SYNJ2: variants seen among roughly 807,000 people sequenced by gnomAD.
The protein encoded by SYNJ2 is synaptojanin 2, also known as polyphosphatidylinositol phosphatase SYNJ2.
A neutral mutation model predicts 141.3 loss-of-function variants in SYNJ2; 116 were observed. The ratio of observed to expected loss-of-function variants is 0.82; its 90% CI spans 0.71 to 0.96. The LOEUF (loss-of-function observed/expected upper bound fraction) is 0.96. Ranked by LOEUF, SYNJ2 falls within the 40% of genes least tolerant of loss-of-function variation. The pLI is 0.00. For synonymous variants in SYNJ2, 745 were observed against 777.7 expected, an observed-to-expected ratio of 0.96 and a Z score of 0.70; for missense variants, 1,873 against 1,934.8, an observed-to-expected ratio of 0.97 and a Z score of 0.60.
At chr6:158,061,967 C>G in intron 7 of SYNJ2, 25 bp from the exon 8 acceptor site, 1 of 1,609,666 alleles carries the variant, frequency 6.2e-7, no homozygotes, top group Non-Finnish European at 8.5e-7. Flanking sequence ...CTGCTCCCCT[C>G]ACCGCCCTCC....
chr6:157,987,955 G>A (rs892924328), intron 1 of SYNJ2, among the ~76,000 whole-genome samples: 4 of 152,208 alleles, frequency 2.6e-5, no homozygotes, highest in African/African-American at 7.2e-5. Flanking sequence ...TGGTGAGCTC[G>A]GGAGGACAAG....
intron 18 of SYNJ2, 33 bp from the exon 19 acceptor site, chr6:158,081,076 C>T (rs377286996): frequency 1.1e-5 from 18 of 1,604,442 alleles, no homozygotes; most frequent in Non-Finnish European, 1.5e-5. Context: ...CTGTCCCAGG[C>T]TAACTGTCAT....
At chr6:157,981,728 G>A (rs533119038), upstream of SYNJ2, among the ~76,000 whole-genome samples, 1 of 151,892 alleles carries the variant, frequency 6.6e-6, no homozygotes, top group African/African-American at 2.4e-5. The surrounding 1 kb of genome is among the most constrained non-coding windows in gnomAD (Gnocchi z 6.4). Context: ...CTGGCCGCTG[G>A]GGGGAGCGCG....
rs1361512261 is a variant in SYNJ2, at chr6:158,059,253, G to T, written c.858-4G>T. 1.2e-5 allele frequency: 18 copies of T among 1,547,670 alleles called. No homozygotes were observed. Among genetic ancestry groups the T allele is most frequent in the Non-Finnish European group, 1.4e-5 (16 of 1,146,018 alleles). ...GCATCACGCCCACCCCGCTGCCTTT[G>T]CAGGCACATGGTGCTTCTGAAGGAG... On this transcript the variant is annotated splice_polypyrimidine_tract_variant and splice_region_variant and intron_variant, in intron 6 of 26. Coordinates refer to ENST00000355585, the MANE Select transcript of SYNJ2 (RefSeq NM_003898.4).
chr6:158,002,024 C>G (rs556618770), intron 1 of SYNJ2: 5 of 152,374 alleles, frequency 3.3e-5, no homozygotes, highest in African/African-American at 1.2e-4. Context: ...TCCTCCCACT[C>G]TTCTGAAACC....
At chr6:158,007,299 C>A (rs574270751) in intron 1 of SYNJ2, among the ~76,000 whole-genome samples, 1 of 152,166 alleles carries the variant, frequency 6.6e-6, no homozygotes, top group African/African-American at 2.4e-5. Context: ...TCTGCTGGGA[C>A]GCCTGGGGGA....
intron 1 of SYNJ2, among the ~76,000 whole-genome samples, chr6:157,983,831 ATTTT>A (rs566097714): frequency 4.9e-4 from 71 of 144,744 alleles, no homozygotes; most frequent in African/African-American, 1.7e-3. Context: ...TTAAAAAAAA[ATTTT>A]TTTTTTTTTT....
intron 13 of SYNJ2, among the ~76,000 whole-genome samples, chr6:158,069,330 A>G (rs1441443809): frequency 6.6e-6 from 1 of 152,092 alleles, no homozygotes; most frequent in African/African-American, 2.4e-5. Flanking sequence ...GGGTCAAGGG[A>G]GGGCTGCTGT....
chr6:158,095,823 CCT>C lies in SYNJ2; in HGVS notation c.3953_3954del (p.Ser1318CysfsTer45). ...GACGAAGCCCCTCCTGGGGCAGGAG[CCT>C]CTGTGCCACCACCTCTGGAGGCGCC... On this transcript the variant is annotated frameshift_variant, in exon 27 of 27. Transcript: ENST00000355585. LOFTEE classifies it low-confidence loss of function (END_TRUNC). 2 of 1,614,146 alleles carry C rather than the reference CCT, an allele frequency of 1.2e-6. No individual in the cohort carries two copies. The highest frequency in any genetic ancestry group is 1.7e-6 in the Non-Finnish European group (2 of 1,180,006).
chr6:158,092,734 C>T (rs1983873), intron 25 of SYNJ2, among the ~76,000 whole-genome samples, 192 bp from the exon 26 acceptor site: 13 of 151,922 alleles, frequency 8.6e-5, no homozygotes, highest in African/African-American at 2.7e-4. Context: ...CGCTGCACTC[C>T]GGCCTGGGTG....
intron 25 of SYNJ2, among the ~76,000 whole-genome samples, chr6:158,090,364 G>A (rs1163185182): frequency 6.6e-6 from 1 of 151,960 alleles, no homozygotes; most frequent in Admixed American, 6.6e-5. Flanking sequence ...GTGTCAGGCA[G>A]GGACCTCTTT....
intron 4 of SYNJ2, among the ~76,000 whole-genome samples, chr6:158,034,048 C>T (rs1779512876): frequency 6.6e-6 from 1 of 152,108 alleles, no homozygotes; most frequent in African/African-American, 2.4e-5. Flanking sequence ...ATAAGTAGAT[C>T]AATACAATGG....
intron 5 of SYNJ2, among the ~76,000 whole-genome samples, chr6:158,046,244 C>A (rs1363530900): frequency 1.3e-5 from 2 of 152,154 alleles, no homozygotes; most frequent in African/African-American, 4.8e-5. Flanking sequence ...TCGCGCCCGG[C>A]CTCCATGGTT....
chr6:158,081,526 CCA>C lies in SYNJ2; in HGVS notation c.2865+20_2865+21del. Reference sequence around the variant, plus strand: ...CGGTATGAAGGTACGCTGTACTTGGCCACACTGTGGAGTGGGGTCTGATCAAT... The same window carrying C: ...CGGTATGAAGGTACGCTGTACTTGGCCACTGTGGAGTGGGGTCTGATCAAT... On this transcript the variant is annotated intron_variant, in intron 20 of 26. Transcript: ENST00000355585. 6.2e-7 allele frequency: 1 copy of C among 1,602,514 alleles called. No homozygotes were observed. The highest frequency in any genetic ancestry group is 8.5e-7 in the Non-Finnish European group (1 of 1,173,368).
intron 5 of SYNJ2, among the ~76,000 whole-genome samples, chr6:158,045,130 T>G (rs1020149168): frequency 7.3e-6 from 1 of 136,786 alleles, no homozygotes; most frequent in Non-Finnish European, 1.5e-5. Flanking sequence ...TTTTTTGAGA[T>G]GGAGTCTCAC....
chr6:158,068,882 T>C (rs1168862518), intron 13 of SYNJ2, among the ~76,000 whole-genome samples, 154 bp downstream of exon 13: 1 of 152,140 alleles, frequency 6.6e-6, no homozygotes, highest in Non-Finnish European at 1.5e-5. Context: ...TGGCTCCTTC[T>C]CTATGCTCAC....
At chr6:158,016,362 C>A (rs1039090271) in intron 1 of SYNJ2, among the ~76,000 whole-genome samples, 2 of 152,206 alleles carry the variant, frequency 1.3e-5, no homozygotes, top group African/African-American at 4.8e-5. Flanking sequence ...GATCCGCCTG[C>A]CTTCGCCTCC....
At chr6:157,985,563 C>T (rs1222110604) in intron 1 of SYNJ2, among the ~76,000 whole-genome samples, 1 of 152,232 alleles carries the variant, frequency 6.6e-6, no homozygotes, top group African/African-American at 2.4e-5. Context: ...AATTAGCAAA[C>T]AGATGTTCCC....
chr6:158,068,869 A>C (rs1583455023), intron 13 of SYNJ2, 141 bp downstream of exon 13: 3 of 824,796 alleles, frequency 3.6e-6, no homozygotes, highest in Non-Finnish European at 5.9e-6. Context: ...GGGATCTCTC[A>C]CCTGGCTCCT....
Sources: allele counts gnomAD v4.1 joint callset (sites outside exome capture counted in the v4.1 genomes callset), GRCh38; gene constraint gnomAD v4.1.1; non-coding constraint Gnocchi (gnomAD v3.1); transcripts MANE v1.5; gene names NCBI Gene and HGNC (gene_info 2026-07-23, HGNC 2026-07-21).